Variants in PMEL observed in about 807,000 individuals in gnomAD.
PMEL encodes the protein premelanosome protein, also known as melanocyte protein PMEL.
In PMEL, 53 loss-of-function variants were observed where a neutral mutation model predicts 64.9. The observed-to-expected ratio is 0.82, with a 90% CI of 0.66 to 1.03. PMEL has a LOEUF of 1.03. Ranked by LOEUF, PMEL falls within the 50% of genes least tolerant of loss-of-function variation. PMEL has a pLI of 0.00. For synonymous variants in PMEL, 299 were observed against 316.2 expected, an observed-to-expected ratio of 0.95 and a Z score of 0.58; for missense variants, 716 against 814.9, an observed-to-expected ratio of 0.88 and a Z score of 1.48.
chr12:55,957,122 G>A lies in PMEL; in HGVS notation c.1181C>T (p.Thr394Ile), dbSNP rs1463846325. The change falls in exon 6 of 11, where the codon ACT (threonine) becomes ATT (isoleucine). Residue 394 changes from threonine to isoleucine, a missense_variant. Physicochemically the swap from Thr to Ile is moderately conservative, Grantham distance 89. Coordinates refer to ENST00000548747, the MANE Select transcript of PMEL (RefSeq NM_001384361.1). ...VMGTTLAEMSTPEATGMTPAE... is the reference protein window; with the variant it reads ...VMGTTLAEMSIPEATGMTPAE... ...AGGTGTCATACCTGTAGCCTCTGGA[G>A]TTGACATCTCTGCCAGTGTGGTACC... is the stretch of plus-strand genomic sequence containing the variant. 1.9e-6 allele frequency: 3 copies of A among 1,614,214 alleles called. No individual in the cohort carries two copies. The highest frequency in any genetic ancestry group is 3.3e-5 in the Admixed American group (2 of 60,030).
chr12:55,956,586 G>A (rs762334147), intron 6 of PMEL: 37 of 314,754 alleles, frequency 1.2e-4, no homozygotes, highest in Non-Finnish European at 1.9e-4. Flanking sequence ...TTGGGAAATG[G>A]AAGGATCAGG....
chr12:55,956,814 G>T, intron 6 of PMEL, 135 bp downstream of exon 6: 1 of 916,808 alleles, frequency 1.1e-6, no homozygotes, highest in Non-Finnish European at 1.7e-6. Flanking sequence ...GGGCTTTATA[G>T]CCAGGCCAGT....
At position 55,957,409 on chromosome 12, in the gene PMEL, G is replaced by A. The variant is rs1565774263; in HGVS notation, c.894C>T (p.Leu298=). ...AQVVLQAAIP[L]TSCGSSPVPG... Reference sequence around the variant, plus strand: ...GAACTGGGGAGGAGCCACAGGAGGTGAGAGGAATGGCAGCCTGCAGGACCA... The same window carrying A: ...GAACTGGGGAGGAGCCACAGGAGGTAAGAGGAATGGCAGCCTGCAGGACCA... Residue 298 remains leucine, a synonymous_variant, in exon 6 of 11, where the codon CTC becomes CTT. Coordinates refer to ENST00000548747, the MANE Select transcript of PMEL (RefSeq NM_001384361.1). 6.2e-7 allele frequency: 1 copy of A among 1,605,680 alleles called. No individual in the cohort carries two copies. Among genetic ancestry groups the A allele is most frequent in the East Asian group, 2.2e-5 (1 of 44,766 alleles).
At chr12:55,960,067 C>A (rs530469642) in intron 3 of PMEL, among the ~76,000 whole-genome samples, 8 of 151,720 alleles carry the variant, frequency 5.3e-5, no homozygotes, top group Non-Finnish European at 8.8e-5. Context: ...TGACATGCGC[C>A]TGTATCAGCT....
rs1280380952 is a variant in PMEL, at chr12:55,956,209, G to T, written c.1365C>A (p.Gly455=). Residue 455 remains glycine, a synonymous_variant, in exon 7 of 11, where the codon GGC becomes GGA. Coordinates refer to ENST00000548747, the MANE Select transcript of PMEL (RefSeq NM_001384361.1). The part of the protein sequence containing the change: ...MSTESITGSL[G]PLLDGTATLR... ...AGGTGGCTGTACCATCCAGCAGGGG[G>T]CCCAGGGAACCTGGCAGGAGAGGAT... 3 of 1,611,356 alleles carry T rather than the reference G, an allele frequency of 1.9e-6. No homozygotes were observed. Among genetic ancestry groups the T allele is most frequent in the Admixed American group, 3.3e-5 (2 of 59,986 alleles).
At chr12:55,956,488 G>C in intron 6 of PMEL, 1 of 412,396 alleles carries the variant, frequency 2.4e-6, no homozygotes, top group Non-Finnish European at 4.4e-6. Flanking sequence ...ACTATGTCAG[G>C]TCCTAGGCTA....
intron 10 of PMEL, among the ~76,000 whole-genome samples, 179 bp from the exon 11 acceptor site, chr12:55,954,528 C>T (rs1888769957): frequency 6.6e-6 from 1 of 152,192 alleles, no homozygotes; most frequent in Non-Finnish European, 1.5e-5. Context: ...TCTGTCCATT[C>T]CTCCCTCACC....
Position 55,957,913 on chromosome 12 carries a change from A to G in PMEL, c.631+10T>C. ...CCTACAACTGGCCTTGCCCCTTCCT[A>G]AACCCTTACCAGTAATGGTGAAGGC... On this transcript the variant is annotated intron_variant, in intron 5 of 10. Coordinates refer to ENST00000548747, the MANE Select transcript of PMEL (RefSeq NM_001384361.1). 1 of 1,613,930 alleles carries G rather than the reference A, an allele frequency of 6.2e-7. No individual in the cohort carries two copies. The highest frequency in any genetic ancestry group is 8.5e-7 in the Non-Finnish European group (1 of 1,179,916).
rs1158319601 is a variant in PMEL at position 55,957,242 on chromosome 12, G to A, written c.1061C>T (p.Pro354Leu). The A allele has an allele frequency of 3.7e-6, 6 of 1,614,164 alleles. No individual in the cohort carries two copies. The highest frequency in any genetic ancestry group is 2.2e-5 in the South Asian group (2 of 91,080). Reference sequence around the variant, plus strand: ...TGCAGTGCTTATGACTTCAGTGGTTGGCACCTGCACAGATGTGGTTCCAGA... The same window carrying A: ...TGCAGTGCTTATGACTTCAGTGGTTAGCACCTGCACAGATGTGGTTCCAGA... ...EPSGTTSVQV[P>L]TTEVISTAPV... The change falls in exon 6 of 11, where the codon CCA (proline) becomes CTA (leucine). Residue 354 changes from proline (P) to leucine (L), a missense_variant. Transcript: ENST00000548747.
chr12:55,956,428 G>A (rs970154278), intron 6 of PMEL: 17 of 519,308 alleles, frequency 3.3e-5, no homozygotes, highest in Middle Eastern at 5.1e-4. Flanking sequence ...GTCACAGTTA[G>A]GGGTGGCATT....
In PMEL at chr12:55,957,391, G is replaced by T. The variant is rs1565774248; in HGVS notation, c.912C>A (p.Ser304=). The T allele has an allele frequency of 6.2e-7, 1 of 1,600,744 alleles. No individual in the cohort carries two copies. The highest frequency in any genetic ancestry group is 1.3e-5 in the African/African-American group (1 of 74,678). ...AAIPLTSCGS[S]PVPGTTDGHR... is the part of the protein sequence containing the mutation. ...GCCCATCTGTGGTGCCTGGAACTGGGGAGGAGCCACAGGAGGTGAGAGGAA... is the reference window on the plus strand; with the variant it reads ...GCCCATCTGTGGTGCCTGGAACTGGTGAGGAGCCACAGGAGGTGAGAGGAA... Residue 304 remains serine (S), a synonymous_variant, in exon 6 of 11, where the codon TCC becomes TCA. Transcript: ENST00000548747.
chr12:55,966,077 G>C (rs1372614854), upstream of PMEL: 1 of 1,612,870 alleles, frequency 6.2e-7, no homozygotes, highest in African/African-American at 1.3e-5. Context: ...ATAAGAAAAG[G>C]GTGCTCATTT....
Position 55,961,479 on chromosome 12 carries a change from A to G in PMEL, c.188-16T>C. On this transcript the variant is annotated splice_polypyrimidine_tract_variant and intron_variant, in intron 2 of 10. Coordinates refer to ENST00000548747, the MANE Select transcript of PMEL (RefSeq NM_001384361.1). ...ACTTGACCACCTGGGAAGGAAAGCT[A>G]CATTAGCTGGGACTCCTGGGCTTCC... is the stretch of plus-strand genomic sequence containing the variant. 6.2e-6 allele frequency: 10 copies of G among 1,613,730 alleles called. No individual in the cohort carries two copies. Among genetic ancestry groups the G allele is most frequent in the Non-Finnish European group, 7.6e-6 (9 of 1,179,702 alleles).
chr12:55,959,530 C>T (rs1490137728), intron 3 of PMEL, among the ~76,000 whole-genome samples: 3 of 151,988 alleles, frequency 2.0e-5, no homozygotes, highest in African/African-American at 4.8e-5. Context: ...GGGGGCCAGG[C>T]GCAGTGGCTC....
chr12:55,956,249 C>G (rs1888882295), intron 6 of PMEL, 30 bp from the exon 7 acceptor site: 3 of 1,435,552 alleles, frequency 2.1e-6, no homozygotes, highest in East Asian at 2.3e-5. Context: ...GAGGCAAGAT[C>G]AAGAGACAGA....
intron 10 of PMEL, among the ~76,000 whole-genome samples, chr12:55,954,940 C>T (rs1888797413): frequency 6.6e-6 from 1 of 152,138 alleles, no homozygotes; most frequent in Non-Finnish European, 1.5e-5. Context: ...CCCAAACTGC[C>T]CCCACTCTTC....
At position 55,954,234 on chromosome 12, in the gene PMEL, G is replaced by A. The variant is rs2136432064; in HGVS notation, c.1966C>T (p.Leu656Phe). 1.2e-6 allele frequency: 2 copies of A among 1,612,740 alleles called. No individual in the cohort carries two copies. The highest frequency in any genetic ancestry group is 4.5e-5 in the East Asian group (2 of 44,860). ...AGTACTCAGACCTGCTGCCCACTGA[G>A]GAGGGGGCTGTTCTCACCAATGGGA... ...SCPIGENSPL[L>F]SGQQV Residue 656 changes from leucine to phenylalanine, a missense_variant, in exon 11 of 11, where the codon CTC (leucine) becomes TTC (phenylalanine). Transcript: ENST00000548747.
At chr12:55,956,914 A>C in intron 6 of PMEL, 35 bp downstream of exon 6, 1 of 1,598,144 alleles carries the variant, frequency 6.3e-7, no homozygotes, top group East Asian at 2.2e-5. Context: ...AGGGTACCCC[A>C]CCTCCGTGAA....
upstream of PMEL, chr12:55,966,521 TC>T: frequency 3.5e-6 from 1 of 283,798 alleles, no homozygotes; most frequent in African/African-American, 2.3e-5. Context: ...ATACATATTT[TC>T]CCCAGGATTG....
Sources: allele counts gnomAD v4.1 joint callset (sites outside exome capture counted in the v4.1 genomes callset), GRCh38; gene constraint gnomAD v4.1.1; transcripts MANE v1.5; gene names NCBI Gene and HGNC (gene_info 2026-07-23, HGNC 2026-07-21).